Variants in COX7B observed in about 807,000 individuals in gnomAD.
The protein encoded by COX7B is cytochrome c oxidase subunit 7B, also known as cytochrome c oxidase subunit 7B, mitochondrial.
A neutral mutation model predicts 7.9 loss-of-function variants in COX7B; 2 were observed. The ratio of observed to expected loss-of-function variants is 0.25; its 90% confidence interval spans 0.10 to 0.79. The LOEUF (loss-of-function observed/expected upper bound fraction) is 0.79. COX7B is among the 30% of genes least tolerant of loss of function. COX7B has a pLI of 0.69. For synonymous variants in COX7B, 19 were observed against 21.1 expected (o/e 0.90, Z 0.27); for missense variants, 54 against 62.7 (o/e 0.86, Z 0.47).
chrX:77,903,721 G>A (rs1010233283), intron 2 of COX7B, among the ~76,000 whole-genome samples: 4 of 110,426 alleles, frequency 3.6e-5, no homozygotes, highest in South Asian at 3.8e-4. Flanking sequence ...GTCTTGGATC[G>A]CCTTCCTGGA....
In COX7B at chrX:77,902,564, G is replaced by C. The variant is rs192262454; in HGVS notation, c.41-79G>C. Reference sequence around the variant, plus strand: ...ATTAACTTCCTTGGCTTTCCTGATTGGCAGTATCAATCACATATGTTTTCT... The same window carrying C: ...ATTAACTTCCTTGGCTTTCCTGATTCGCAGTATCAATCACATATGTTTTCT... On this transcript the variant is annotated intron_variant, in intron 1 of 2. Transcript: ENST00000650309. 6.7e-6 allele frequency: 7 copies of C among 1,047,907 alleles called. No homozygotes were observed. In the African/African-American group the frequency reaches 1.3e-4, roughly 19 times the overall value. 86.4% of individuals were successfully genotyped at this position (1,047,907 alleles called of 1,213,427 possible).
At chrX:77,904,485 T>C (rs2077129198) in intron 2 of COX7B, among the ~76,000 whole-genome samples, 1 of 106,692 alleles carries the variant, frequency 9.4e-6, no homozygotes, top group Admixed American at 1.0e-4. Context: ...CTACTAAAAA[T>C]ACAAAAATTA....
rs1472889703 is a variant in COX7B at position 77,906,774 on chromosome X, C to T, written c.*1513C>T. The T allele has an allele frequency of 9.0e-6, 1 of 110,734 alleles. No homozygotes were observed. The highest frequency in any genetic ancestry group is 2.8e-4 in the East Asian group (1 of 3,527). The allele number at this position is 110,734 out of a possible 1,213,427, so 9.1% of individuals were successfully genotyped here. ...TCCCTAGTAACTGGAATTACAGGCG[C>T]CTGCCACCATGCCTGGCTAATTTTT... On this transcript the variant is annotated 3_prime_UTR_variant, in exon 3 of 3. Transcript: ENST00000650309.
rs1210386350 is a variant in COX7B, at chrX:77,902,740, C to T, written c.138C>T (p.Ala46=). The T allele has an allele frequency of 4.1e-6, 5 of 1,206,523 alleles. No homozygotes were observed. The highest frequency in any genetic ancestry group is 5.6e-6 in the Non-Finnish European group (5 of 893,097). ...KYGNAVLASG[A]TFCIVTWTYV... is the part of the protein sequence containing the mutation. ...GTAATGCTGTATTAGCTAGTGGAGC[C>T]ACTTTCTGTATTGTTACATGGACAT... Residue 46 remains alanine (A), a synonymous_variant, in exon 2 of 3, where the codon GCC becomes GCT. Transcript: ENST00000650309.
rs782564948 is a variant in COX7B at position 77,906,184 on chromosome X, C to T, written c.*923C>T. On this transcript the variant is annotated 3_prime_UTR_variant, in exon 3 of 3. Coordinates refer to ENST00000650309, the MANE Select transcript of COX7B (RefSeq NM_001866.3). ...AAATTATAAATAACTGATCATGGAA[C>T]TATTGCAGATCACCTTTGAGCCAAA... is the stretch of plus-strand genomic sequence containing the variant. The T allele has an allele frequency of 8.9e-6, 1 of 112,370 alleles. No homozygotes were observed. The highest frequency in any genetic ancestry group is 3.6e-4 in the South Asian group (1 of 2,753). The allele number at this position is 112,370 out of a possible 1,213,427, so 9.3% of individuals were successfully genotyped here.
At chrX:77,899,649 C>T (rs1045046198) in intron 1 of COX7B, 56 bp downstream of exon 1, 158 of 1,116,046 alleles carry the variant, frequency 1.4e-4, no homozygotes, top group Admixed American at 6.8e-5. Context: ...TGTGTCCTCG[C>T]GGCCTCTCGT....
intron 1 of COX7B, chrX:77,901,759 C>T (rs781816955): frequency 9.1e-6 from 1 of 110,082 alleles, no homozygotes; most frequent in Non-Finnish European, 1.9e-5. Flanking sequence ...GAGAATTGCT[C>T]TGTTACCCAG....
chrX:77,899,964 T>G (rs1172411656), intron 1 of COX7B, among the ~76,000 whole-genome samples: 1 of 112,205 alleles, frequency 8.9e-6, no homozygotes, highest in Non-Finnish European at 1.9e-5. Context: ...CTTCTCCAAT[T>G]CCTATTACTG....
intron 2 of COX7B, chrX:77,903,179 C>T (rs1240354845): frequency 1.9e-5 from 2 of 102,792 alleles, no homozygotes; most frequent in Non-Finnish European, 3.9e-5. Context: ...GTGTGTGCCA[C>T]CAGGCCTGGC....
In COX7B at chrX:77,902,803, G is replaced by A. The variant is rs143653330; in HGVS notation, c.165+36G>A. ...TTGATTAATAATTTCTGTTTCAGATGTTTTTCATTCTCAGTCTATGCATTC... is the reference window on the plus strand; with the variant it reads ...TTGATTAATAATTTCTGTTTCAGATATTTTTCATTCTCAGTCTATGCATTC... On this transcript the variant is annotated intron_variant, in intron 2 of 2. Coordinates refer to ENST00000650309, the MANE Select transcript of COX7B (RefSeq NM_001866.3). 5,770 of 1,175,962 alleles carry A rather than the reference G, an allele frequency of 4.9e-3. 25 individuals carry two copies. The highest frequency in any genetic ancestry group is 0.01 in the South Asian group (556 of 55,076).
intron 1 of COX7B, among the ~76,000 whole-genome samples, chrX:77,901,544 GTTC>G (rs1303689732): frequency 1.8e-5 from 2 of 109,900 alleles, no homozygotes; most frequent in Non-Finnish European, 3.8e-5. Flanking sequence ...GAAAACTTTT[GTTC>G]TTCTCTTTCT....
rs781870001 is a variant in COX7B, at chrX:77,899,603, A to ATCC, written c.40+10_40+11insTCC. 27 of 1,204,591 alleles carry ATCC rather than the reference A, an allele frequency of 2.2e-5. No individual in the cohort carries two copies. In the East Asian group the frequency reaches 7.7e-4, roughly 34 times the overall value. On this transcript the variant is annotated intron_variant, in intron 1 of 2. Coordinates refer to ENST00000650309, the MANE Select transcript of COX7B (RefSeq NM_001866.3). ...CTAAATCGTCTCCAAGGTGAGCAAA[A>ATCC]ATTATGACAAATCATTTACAACAAC...
In COX7B at chrX:77,906,580, G is replaced by A. The variant is rs1557221180; in HGVS notation, c.*1319G>A. The A allele has an allele frequency of 8.9e-6, 1 of 111,957 alleles. No homozygotes were observed. The highest frequency in any genetic ancestry group is 1.9e-5 in the Non-Finnish European group (1 of 53,211). 9.2% of individuals were successfully genotyped at this position (111,957 alleles called of 1,213,427 possible). A position where few individuals can be genotyped will look rare whatever the true frequency, so the allele number is the denominator to read the frequency against. On this transcript the variant is annotated 3_prime_UTR_variant, in exon 3 of 3. Transcript: ENST00000650309. ...ATTATTATTTTAGTATATAACATTG[G>A]ATTTTATGTATGTTACCTGAAGAAG...
rs1695055814 is a variant in COX7B, at chrX:77,905,191, C to G, written c.173C>G (p.Thr58Arg). The change falls in exon 3 of 3, where the codon ACA becomes AGA. Residue 58 changes from threonine (T) to arginine (R), a missense_variant. By Grantham distance (71) the Thr-to-Arg change is moderately conservative (BLOSUM62 -1). Coordinates refer to ENST00000650309, the MANE Select transcript of COX7B (RefSeq NM_001866.3). Reference protein sequence around the residue: ...FCIVTWTYVATQVGIEWNLSP... With the variant: ...FCIVTWTYVARQVGIEWNLSP... The stretch of plus-strand genomic sequence containing the variant: ...GCATTTTAATTCTTACAGGTAGCAA[C>G]ACAAGTCGGAATAGAATGGAACCTG... 8.3e-7 allele frequency: 1 copy of G among 1,206,398 alleles called. No individual in the cohort carries two copies. The highest frequency in any genetic ancestry group is 1.1e-6 in the Non-Finnish European group (1 of 892,410).
At chrX:77,902,801 A>T in intron 2 of COX7B, 34 bp downstream of exon 2, 5 of 1,177,348 alleles carry the variant, frequency 4.2e-6, no homozygotes, top group Non-Finnish European at 5.8e-6. Context: ...TCTGTTTCAG[A>T]TGTTTTTCAT....
chrX:77,905,140 A>C (rs981561078), intron 2 of COX7B, 44 bp from the exon 3 acceptor site: 1 of 982,848 alleles, frequency 1.0e-6, no homozygotes, highest in Non-Finnish European at 1.5e-6. Context: ...GAGAGAGTGT[A>C]CTCTGGTTTA....
intron 1 of COX7B, among the ~76,000 whole-genome samples, chrX:77,900,146 C>T (rs1198212170): frequency 9.0e-6 from 1 of 111,726 alleles, no homozygotes; most frequent in African/African-American, 3.3e-5. Flanking sequence ...GCGGGCGGAT[C>T]CCCTGAGGTC....
chrX:77,904,232 C>G (rs1055695595), intron 2 of COX7B, among the ~76,000 whole-genome samples: 7 of 107,874 alleles, frequency 6.5e-5, no homozygotes, highest in African/African-American at 2.0e-4. Context: ...GCGCCCGGCC[C>G]GAAGTCTTAA....
rs184280053 is a variant in COX7B, at chrX:77,904,011, C to G, written c.166-1173C>G. ...GCAGTGGCGCGATCTCTGCTCACTG[C>G]AAACTCCGCCTCCCGGGTTCACGCC... On this transcript the variant is annotated intron_variant, in intron 2 of 2. Coordinates refer to ENST00000650309, the MANE Select transcript of COX7B (RefSeq NM_001866.3). 9.2e-3 allele frequency among the ~76,000 whole-genome samples: 947 copies of G among 102,956 alleles called. 8 individuals carry two copies. The highest frequency in any genetic ancestry group is 0.032 in the African/African-American group (898 of 27,986). The allele number at this position is 102,956 out of a possible 115,157, so 89.4% of individuals were successfully genotyped here. A position where few individuals can be genotyped will look rare whatever the true frequency, so the allele number is the denominator to read the frequency against.
Sources: allele counts gnomAD v4.1 joint callset (sites outside exome capture counted in the v4.1 genomes callset), GRCh38; gene constraint gnomAD v4.1.1; transcripts MANE v1.5; gene names NCBI Gene and HGNC (gene_info 2026-07-23, HGNC 2026-07-21).